The following HS3ST4 variants were observed in gnomAD, a reference collection of about 807,000 sequenced individuals.
HS3ST4 encodes the protein heparan sulfate-glucosamine 3-sulfotransferase 4.
A neutral mutation model predicts 29.2 loss-of-function variants in HS3ST4; 17 were observed. That is an observed-to-expected ratio of 0.58 (90% CI 0.40 to 0.87). HS3ST4 has a LOEUF of 0.87. Among genes scored for constraint, HS3ST4 ranks in the 40% least tolerant of loss-of-function variants. The pLI is 0.00. For missense variants in HS3ST4, 627 were observed against 634.5 expected (o/e 0.99, Z 0.13); for synonymous variants, 314 against 285.7 (o/e 1.10, Z -1.00).
intron 1 of HS3ST4, among the ~76,000 whole-genome samples, chr16:25,812,703 C>CTTTT (rs11382075): frequency 3.4e-5 from 5 of 146,576 alleles, no homozygotes; most frequent in Non-Finnish European, 3.0e-5. Context: ...AAAGTACTTC[C>CTTTT]TTTTTTTTTT....
rs536127153 is a variant in HS3ST4, at chr16:26,083,062, G to A, written c.735-52550G>A. 3.9e-5 allele frequency among the ~76,000 whole-genome samples: 6 copies of A among 152,312 alleles called. No homozygotes were observed. The East Asian group carries it at 1.2e-3, about 29-fold the overall frequency. ...CACTGTTAATGATATTCAAGGCCAA[G>A]GTGCCATGTCATAGATTCAGTGATG... On this transcript the variant is annotated intron_variant, in intron 1 of 1. Transcript: ENST00000331351.
intron 1 of HS3ST4, among the ~76,000 whole-genome samples, chr16:26,037,103 C>A (rs1422423158): frequency 6.6e-6 from 1 of 152,198 alleles, no homozygotes; most frequent in Non-Finnish European, 1.5e-5. Flanking sequence ...AGGCAATGAT[C>A]TAAGCTCAGC....
chr16:25,700,721 T>G (rs1381003901), intron 1 of HS3ST4, among the ~76,000 whole-genome samples: 1 of 152,204 alleles, frequency 6.6e-6, no homozygotes, highest in Non-Finnish European at 1.5e-5. Context: ...TTTTTGCGGT[T>G]TAACAAGCTC....
chr16:25,838,842 A>C (rs1394984325), intron 1 of HS3ST4, among the ~76,000 whole-genome samples: 1 of 152,108 alleles, frequency 6.6e-6, no homozygotes, highest in Admixed American at 6.5e-5. Flanking sequence ...TTTTTCACTA[A>C]TCCCGATGAG....
intron 1 of HS3ST4, among the ~76,000 whole-genome samples, chr16:25,843,909 G>T (rs753194680): frequency 6.6e-6 from 1 of 152,122 alleles, no homozygotes; most frequent in Non-Finnish European, 1.5e-5. Flanking sequence ...GTTTTGAATG[G>T]CCTCTCTCAT....
At chr16:25,762,903 A>AG (rs1237375627) in intron 1 of HS3ST4, among the ~76,000 whole-genome samples, 1 of 149,996 alleles carries the variant, frequency 6.7e-6, no homozygotes, top group African/African-American at 2.4e-5. Context: ...AAAAAAAGAA[A>AG]AAAGAAAGAA....
At chr16:26,121,342 T>G (rs2141810516) in intron 1 of HS3ST4, among the ~76,000 whole-genome samples, 1 of 152,248 alleles carries the variant, frequency 6.6e-6, no homozygotes, top group South Asian at 2.1e-4. Context: ...GGTAGTGTCT[T>G]GAAAGGCAGG....
intron 1 of HS3ST4, among the ~76,000 whole-genome samples, chr16:25,715,838 A>G (rs1966450441): frequency 6.6e-6 from 1 of 152,202 alleles, no homozygotes; most frequent in Non-Finnish European, 1.5e-5. Context: ...CTGTGGTCAG[A>G]AGACTGCCTT....
At chr16:25,894,247 T>C (rs1223331825) in intron 1 of HS3ST4, among the ~76,000 whole-genome samples, 1 of 152,168 alleles carries the variant, frequency 6.6e-6, no homozygotes, top group Non-Finnish European at 1.5e-5. Flanking sequence ...TGTTTCCTAG[T>C]TTACAGGAGC....
At chr16:25,744,517 G>A (rs562075912) in intron 1 of HS3ST4, among the ~76,000 whole-genome samples, 2 of 152,020 alleles carry the variant, frequency 1.3e-5, no homozygotes, top group Non-Finnish European at 2.9e-5. Flanking sequence ...AAAAAGTCCA[G>A]AATTAGGCAT....
At chr16:25,933,729 A>C (rs1968487808) in intron 1 of HS3ST4, among the ~76,000 whole-genome samples, 1 of 152,164 alleles carries the variant, frequency 6.6e-6, no homozygotes, top group South Asian at 2.1e-4. Flanking sequence ...GTGAGGCTTC[A>C]GGAAGCTTCC....
chr16:25,952,487 T>C (rs1217906499), intron 1 of HS3ST4, among the ~76,000 whole-genome samples: 1 of 152,242 alleles, frequency 6.6e-6, no homozygotes, highest in Non-Finnish European at 1.5e-5. Flanking sequence ...CCTGGTGTTA[T>C]TCTTTACGAG....
At chr16:25,816,548 CTATT>C (rs1967093996) in intron 1 of HS3ST4, among the ~76,000 whole-genome samples, 3 of 152,174 alleles carry the variant, frequency 2.0e-5, no homozygotes, top group African/African-American at 7.2e-5. Flanking sequence ...AGAATTGTCT[CTATT>C]TATGATTCCA....
rs182990437 is a variant in HS3ST4, at chr16:25,871,220, C to T, written c.734+178069C>T. ...AGTTGCAACACAGGTCTGACACCTGCAAGAGAGAGGGCAAAGGAAGGCAGG... is the reference window on the plus strand; with the variant it reads ...AGTTGCAACACAGGTCTGACACCTGTAAGAGAGAGGGCAAAGGAAGGCAGG... On this transcript the variant is annotated intron_variant, in intron 1 of 1. Transcript: ENST00000331351. Among the ~76,000 whole-genome samples, 34 of 152,202 alleles carry T rather than the reference C, an allele frequency of 2.2e-4. No homozygotes were observed. The East Asian group carries it at 6.6e-3, about 29-fold the overall frequency.
At chr16:25,831,209 C>G (rs1016970750) in intron 1 of HS3ST4, among the ~76,000 whole-genome samples, 4 of 152,138 alleles carry the variant, frequency 2.6e-5, no homozygotes, top group African/African-American at 9.7e-5. Flanking sequence ...CACATGCTCC[C>G]CACTGGTTCA....
chr16:25,847,033 CTT>C (rs1056792248), intron 1 of HS3ST4, among the ~76,000 whole-genome samples: 2 of 137,574 alleles, frequency 1.5e-5, no homozygotes, highest in African/African-American at 5.6e-5. Flanking sequence ...TTTTTTGACT[CTT>C]TTTTTCACAT....
At chr16:26,086,863 T>C (rs1898795765) in intron 1 of HS3ST4, among the ~76,000 whole-genome samples, 1 of 152,214 alleles carries the variant, frequency 6.6e-6, no homozygotes, top group African/African-American at 2.4e-5. Flanking sequence ...TCTGACAACC[T>C]GATCTTGATT....
chr16:25,806,321 G>A (rs932688718), intron 1 of HS3ST4, among the ~76,000 whole-genome samples: 4 of 150,744 alleles, frequency 2.7e-5, no homozygotes, highest in East Asian at 3.9e-4. Context: ...GAGTGCAAGC[G>A]TGTGTGTGTG....
At chr16:26,053,973 A>G (rs552128275) in intron 1 of HS3ST4, among the ~76,000 whole-genome samples, 21 of 152,250 alleles carry the variant, frequency 1.4e-4, no homozygotes, top group Admixed American at 5.9e-4. Flanking sequence ...CTCCCTTGTG[A>G]CACAGATTTC....
Sources: allele counts gnomAD v4.1 joint callset (sites outside exome capture counted in the v4.1 genomes callset), GRCh38; gene constraint gnomAD v4.1.1; transcripts MANE v1.5; gene names NCBI Gene and HGNC (gene_info 2026-07-23, HGNC 2026-07-21).